The following UTRN variants were observed in gnomAD, a reference collection of about 807,000 sequenced individuals.
UTRN encodes utrophin.
In UTRN, 283 loss-of-function variants were observed where a neutral mutation model predicts 463.9. The ratio of observed to expected loss-of-function variants is 0.61; its 90% confidence interval spans 0.55 to 0.67. UTRN has a LOEUF of 0.67. Ranked by LOEUF, UTRN falls within the 30% of genes least tolerant of loss-of-function variation. The probability of loss-of-function intolerance (pLI) is 0.00; values close to 1 mark genes in which losing one functional copy is unlikely to be tolerated. For synonymous variants in UTRN, 1,442 were observed against 1,431.5 expected, an observed-to-expected ratio of 1.01 and a Z score of -0.17; for missense variants, 3,922 against 4,084.3, an observed-to-expected ratio of 0.96 and a Z score of 1.08.
At chr6:144,800,765 G>T (rs917006052) in intron 64 of UTRN, among the ~76,000 whole-genome samples, 1 of 148,078 alleles carries the variant, frequency 6.8e-6, no homozygotes, top group African/African-American at 2.4e-5. Context: ...TGTGATAGTA[G>T]CTAAACCTAT....
chr6:144,841,442 C>T (rs934977671), intron 73 of UTRN, among the ~76,000 whole-genome samples: 11 of 152,136 alleles, frequency 7.2e-5, no homozygotes, highest in African/African-American at 2.4e-4. Flanking sequence ...TAACCAAATT[C>T]CTGGGGAAAT....
chr6:144,659,438 C>G (rs1585837611), intron 51 of UTRN, among the ~76,000 whole-genome samples: 2 of 152,234 alleles, frequency 1.3e-5, no homozygotes, highest in African/African-American at 2.4e-5. Context: ...GCAGAAGGGA[C>G]TAGATTTGCT....
chr6:144,505,712 A>C (rs1411953822), intron 34 of UTRN, among the ~76,000 whole-genome samples: 2 of 152,236 alleles, frequency 1.3e-5, no homozygotes, highest in African/African-American at 4.8e-5. Context: ...TGTGGTGCTG[A>C]GAAGAATGTA....
Position 144,458,766 on chromosome 6 carries a change from A to G in UTRN, c.2285-4A>G, listed in dbSNP as rs767638232. 4 of 1,583,666 alleles carry G rather than the reference A, an allele frequency of 2.5e-6. No individual in the cohort carries two copies. In the African/African-American group the frequency reaches 5.5e-5, roughly 22 times the overall value. ...CTGTTTGCTTGTTTTTCATGTCTGCATAGAAGGCCTTCCTACTGAAGAAAT... is the reference window on the plus strand; with the variant it reads ...CTGTTTGCTTGTTTTTCATGTCTGCGTAGAAGGCCTTCCTACTGAAGAAAT... On this transcript the variant is annotated splice_region_variant and splice_polypyrimidine_tract_variant and intron_variant, in intron 19 of 74. Coordinates refer to ENST00000367545, the MANE Select transcript of UTRN (RefSeq NM_007124.3).
intron 69 of UTRN, among the ~76,000 whole-genome samples, chr6:144,833,456 A>G (rs745786392): frequency 6.6e-5 from 10 of 152,060 alleles, no homozygotes; most frequent in Non-Finnish European, 1.5e-4. Flanking sequence ...AAATACAGAC[A>G]TTTTCCAGGG....
chr6:144,768,167 CTT>C (rs1562883609), intron 58 of UTRN, among the ~76,000 whole-genome samples: 2 of 152,088 alleles, frequency 1.3e-5, no homozygotes, highest in African/African-American at 4.8e-5. Flanking sequence ...TGCAGCACAA[CTT>C]TTTTTGTTTT....
chr6:144,801,960 A>G (rs1777736154), intron 64 of UTRN, among the ~76,000 whole-genome samples: 1 of 152,124 alleles, frequency 6.6e-6, no homozygotes, highest in Non-Finnish European at 1.5e-5. Context: ...CCCCCACCCA[A>G]TAACTTTGGT....
In UTRN at chr6:144,514,664, G is replaced by T. The variant is rs762796525; in HGVS notation, c.5088G>T (p.Glu1696Asp). 6.2e-7 allele frequency: 1 copy of T among 1,613,922 alleles called. No individual in the cohort carries two copies. The highest frequency in any genetic ancestry group is 8.5e-7 in the Non-Finnish European group (1 of 1,179,946). The change falls in exon 37 of 75, where the codon GAG becomes GAT. Residue 1696 changes from glutamate (E) to aspartate (D), a missense_variant. This residue lies in a region of UTRN where 2,349 missense variants were observed against 2,303.8 expected (regional missense o/e 1.02). Transcript: ENST00000367545. ...QEEIVKRLVS[E>D]LDDANLQVEN... ...CTTATAATTAGCGTTTAGTATCTGA[G>T]CTGGATGATGCCAACCTCCAGGTTG...
chr6:144,296,690 G>A (rs1310028475), intron 2 of UTRN, among the ~76,000 whole-genome samples: 1 of 152,186 alleles, frequency 6.6e-6, no homozygotes, highest in African/African-American at 2.4e-5. Context: ...TTGCTGCTCG[G>A]TGACTCTTCT....
intron 35 of UTRN, among the ~76,000 whole-genome samples, chr6:144,511,764 A>G (rs1795195354): frequency 6.6e-6 from 1 of 152,166 alleles, no homozygotes. Flanking sequence ...ACTGCTCTGT[A>G]AATTTGCATC....
chr6:144,630,680 A>G (rs1043113496), intron 51 of UTRN, among the ~76,000 whole-genome samples: 3 of 151,452 alleles, frequency 2.0e-5, no homozygotes, highest in Admixed American at 2.0e-4. Flanking sequence ...ACAGGTCATT[A>G]ATAAATATTT....
At chr6:144,523,249 A>G in intron 41 of UTRN, 61 bp downstream of exon 41, 1 of 1,303,778 alleles carries the variant, frequency 7.7e-7, no homozygotes, top group Non-Finnish European at 1.0e-6. Flanking sequence ...ATGGGCGTGA[A>G]GAAGATCATG....
intron 53 of UTRN, among the ~76,000 whole-genome samples, chr6:144,712,491 C>A (rs1785835702): frequency 1.3e-5 from 2 of 152,190 alleles, no homozygotes; most frequent in South Asian, 2.1e-4. Flanking sequence ...GCAAAACAAT[C>A]ATTTTACTGC....
chr6:144,630,944 A>G (rs899374631), intron 51 of UTRN, among the ~76,000 whole-genome samples: 20 of 152,032 alleles, frequency 1.3e-4, no homozygotes, highest in African/African-American at 4.6e-4. Context: ...GAAAGAAGAT[A>G]CTTTTATTAT....
intron 55 of UTRN, among the ~76,000 whole-genome samples, chr6:144,750,153 C>T (rs1274798795): frequency 6.6e-6 from 1 of 151,922 alleles, no homozygotes; most frequent in Non-Finnish European, 1.5e-5. Context: ...CTGAAAAATC[C>T]CTTTGCCCAC....
At chr6:144,518,314 C>G (rs546626347) in intron 39 of UTRN, among the ~76,000 whole-genome samples, 1 of 152,146 alleles carries the variant, frequency 6.6e-6, no homozygotes, top group Non-Finnish European at 1.5e-5. Flanking sequence ...TTGCAAAATA[C>G]AGAAAAAGCT....
At chr6:144,494,893 G>A (rs201334765) in intron 33 of UTRN, among the ~76,000 whole-genome samples, 2 of 149,634 alleles carry the variant, frequency 1.3e-5, no homozygotes, top group Non-Finnish European at 3.0e-5. Context: ...GTTCTCTAAG[G>A]CCCCACCAGA....
chr6:144,447,086 G>C, intron 14 of UTRN, 125 bp from the exon 15 acceptor site: 1 of 749,784 alleles, frequency 1.3e-6, no homozygotes, highest in Non-Finnish European at 2.2e-6. Context: ...GTGTTTGAAG[G>C]CCTTCTTATC....
chr6:144,755,710 T>A (rs1378976281), intron 57 of UTRN, among the ~76,000 whole-genome samples: 2 of 152,172 alleles, frequency 1.3e-5, no homozygotes, highest in African/African-American at 4.8e-5. Flanking sequence ...TTAATTCAAT[T>A]TAAGTAAACT....
Sources: allele counts gnomAD v4.1 joint callset (sites outside exome capture counted in the v4.1 genomes callset), GRCh38; gene constraint gnomAD v4.1.1; regional missense constraint gnomAD v4.1.1; transcripts MANE v1.5; gene names NCBI Gene and HGNC (gene_info 2026-07-23, HGNC 2026-07-21).